Variants in SGPP2 observed in about 807,000 individuals in gnomAD.
SGPP2 encodes the protein sphingosine 1-phosphate phosphohydrolase 2.
A neutral mutation model predicts 33.9 loss-of-function variants in SGPP2; 30 were observed. That is an observed-to-expected ratio of 0.89 (90% CI 0.66 to 1.20). SGPP2 has a LOEUF of 1.20. Ranked by LOEUF, SGPP2 falls within the 50% of genes most tolerant of loss-of-function variation. SGPP2 has a pLI of 0.00. For missense variants in SGPP2, 458 were observed against 532.1 expected, an observed-to-expected ratio of 0.86 and a Z score of 1.37; for synonymous variants, 233 against 225.0, an observed-to-expected ratio of 1.04 and a Z score of -0.32.
At chr2:222,443,349 A>G (rs1697354300) in intron 1 of SGPP2, among the ~76,000 whole-genome samples, 1 of 152,102 alleles carries the variant, frequency 6.6e-6, no homozygotes. Context: ...GTACCTGATG[A>G]GTCATTTTTC....
rs754730715 is a variant in SGPP2 at position 222,465,295 on chromosome 2, AAAG to A, written c.220-9266_220-9264del. Among the ~76,000 whole-genome samples, 1 of 152,232 alleles carries A rather than the reference AAAG, an allele frequency of 6.6e-6. No individual in the cohort carries two copies. The highest frequency in any genetic ancestry group is 2.4e-5 in the African/African-American group (1 of 41,462). On this transcript the variant is annotated intron_variant, in intron 1 of 4. Transcript: ENST00000321276. The surrounding 1 kb of genome is among the most constrained non-coding windows in gnomAD (Gnocchi z 4.1). ...GTAATTCTATCTGGACTTGAAGATG[AAAG>A]AAGAAGCCCTCGTGCATTTTTGTTC...
chr2:222,518,307 A>G (rs1167526002), intron 2 of SGPP2, among the ~76,000 whole-genome samples: 1 of 152,250 alleles, frequency 6.6e-6, no homozygotes, highest in African/African-American at 2.4e-5. Flanking sequence ...AAATGAAGAC[A>G]AAGGAACTCA....
chr2:222,538,866 C>T (rs530468912), intron 4 of SGPP2, among the ~76,000 whole-genome samples: 11 of 152,206 alleles, frequency 7.2e-5, no homozygotes, highest in South Asian at 2.1e-4. Flanking sequence ...ATGAAGGATC[C>T]GCCCCCATGA....
chr2:222,476,082 T>G lies in SGPP2; in HGVS notation c.378+1356T>G, dbSNP rs1697928901. On this transcript the variant is annotated intron_variant, in intron 2 of 4. Coordinates refer to ENST00000321276, the MANE Select transcript of SGPP2 (RefSeq NM_152386.4). This position sits in a 1 kb window ranked among gnomAD's most constrained non-coding sequence, Gnocchi z 4.3. The stretch of plus-strand genomic sequence containing the variant: ...AGGTTATTTAGCTGGTGGAGGGAAC[T>G]TCCAGACAAGACTGTTGCCCTGACT... Among the ~76,000 whole-genome samples, 1 of 152,214 alleles carries G rather than the reference T, an allele frequency of 6.6e-6. No individual in the cohort carries two copies. The highest frequency in any genetic ancestry group is 2.4e-5 in the African/African-American group (1 of 41,456).
At position 222,521,876 on chromosome 2, in the gene SGPP2, C is replaced by T; in HGVS notation, c.488C>T (p.Pro163Leu). Residue 163 changes from proline to leucine, a missense_variant, in exon 3 of 5, where the codon CCA (proline) becomes CTA (leucine). Transcript: ENST00000321276. ...AGACTGATCGCTGAATATGGAATGC[C>T]ATCCACCCACGCCATGGCGGCCACT... ...EKRLIAEYGM[P>L]STHAMAATAI... is the part of the protein sequence containing the mutation. 6.2e-7 allele frequency: 1 copy of T among 1,610,500 alleles called. No individual in the cohort carries two copies.
At chr2:222,461,168 C>T (rs1697653488) in intron 1 of SGPP2, among the ~76,000 whole-genome samples, 1 of 152,156 alleles carries the variant, frequency 6.6e-6, no homozygotes, top group Non-Finnish European at 1.5e-5. Context: ...ATACAATGAC[C>T]ATTTATTGAA....
At position 222,547,646 on chromosome 2, in the gene SGPP2, CATA is replaced by C. The variant is rs145533188; in HGVS notation, c.649-10697_649-10695del. On this transcript the variant is annotated intron_variant, in intron 4 of 4. Transcript: ENST00000321276. Reference sequence around the variant, plus strand: ...ACTATTATATTATCACATCGAGAAACATAATACCTGCCTTACTTACCTTTTAGC... The same window carrying C: ...ACTATTATATTATCACATCGAGAAACATACCTGCCTTACTTACCTTTTAGC... Among the ~76,000 whole-genome samples the C allele has an allele frequency of 6.8e-3, 1,032 of 152,120 alleles. 12 individuals carry two copies. The highest frequency in any genetic ancestry group is 0.024 in the African/African-American group (997 of 41,492).
chr2:222,500,822 G>A (rs1312893789), intron 2 of SGPP2, among the ~76,000 whole-genome samples: 1 of 152,124 alleles, frequency 6.6e-6, no homozygotes, highest in Non-Finnish European at 1.5e-5. Context: ...CATCTTAACT[G>A]GTAATTCAGT....
At position 222,477,201 on chromosome 2, in the gene SGPP2, G is replaced by A. The variant is rs2106098784; in HGVS notation, c.378+2475G>A. Among the ~76,000 whole-genome samples, 1 of 151,692 alleles carries A rather than the reference G, an allele frequency of 6.6e-6. No individual in the cohort carries two copies. Among genetic ancestry groups the A allele is most frequent in the East Asian group, 1.9e-4 (1 of 5,176 alleles). On this transcript the variant is annotated intron_variant, in intron 2 of 4. Coordinates refer to ENST00000321276, the MANE Select transcript of SGPP2 (RefSeq NM_152386.4). This position sits in a 1 kb window ranked among gnomAD's most constrained non-coding sequence, Gnocchi z 6.0. Reference sequence around the variant, plus strand: ...TATGTGTATGTGTGTATATATGTGTGTGCATAGGTGCATATATATGTTTAT... The same window carrying A: ...TATGTGTATGTGTGTATATATGTGTATGCATAGGTGCATATATATGTTTAT...
intron 1 of SGPP2, among the ~76,000 whole-genome samples, chr2:222,448,685 C>T (rs781338995): frequency 3.3e-5 from 5 of 152,164 alleles, no homozygotes; most frequent in Non-Finnish European, 7.3e-5. Flanking sequence ...CATGCTTTTC[C>T]ATGCAGAAGT....
rs73067712 is a variant in SGPP2 at position 222,480,812 on chromosome 2, C to G, written c.378+6086C>G. 7.0e-3 allele frequency among the ~76,000 whole-genome samples: 1,060 copies of G among 152,164 alleles called. 11 individuals are homozygous for G. Among genetic ancestry groups the G allele is most frequent in the African/African-American group, 0.024 (1,017 of 41,522 alleles). The stretch of plus-strand genomic sequence containing the variant: ...ACCAAAGAAAAATGGTATTTCCATG[C>G]GTATATTCATTGCAGCACTATTCAC... On this transcript the variant is annotated intron_variant, in intron 2 of 4. Coordinates refer to ENST00000321276, the MANE Select transcript of SGPP2 (RefSeq NM_152386.4).
At chr2:222,517,390 G>A (rs10168976) in intron 2 of SGPP2, among the ~76,000 whole-genome samples, 119,584 of 152,144 alleles carry the variant, frequency 0.79, 50,235 homozygotes, top group East Asian at 0.98. Flanking sequence ...GAGGAGTTCC[G>A]CTGGGGACAG....
intron 1 of SGPP2, among the ~76,000 whole-genome samples, chr2:222,449,490 GAC>G (rs1282894612): frequency 7.6e-6 from 1 of 130,870 alleles, no homozygotes; most frequent in Non-Finnish European, 1.6e-5. Flanking sequence ...TTTTTTTTGA[GAC>G]GGAGTCTCGC....
chr2:222,504,648 A>G (rs1428426141), intron 2 of SGPP2: 4 of 152,228 alleles, frequency 2.6e-5, no homozygotes, highest in East Asian at 1.9e-4. Flanking sequence ...TAGGATTTCA[A>G]TTGACTGCAC....
chr2:222,556,940 C>G (rs1366064834), intron 4 of SGPP2, among the ~76,000 whole-genome samples: 1 of 151,226 alleles, frequency 6.6e-6, no homozygotes, highest in African/African-American at 2.4e-5. Flanking sequence ...CTTAGTCCTC[C>G]CCCATCCACC....
At chr2:222,549,982 T>C (rs1689264398) in intron 4 of SGPP2, among the ~76,000 whole-genome samples, 1 of 151,790 alleles carries the variant, frequency 6.6e-6, no homozygotes, top group African/African-American at 2.4e-5. Context: ...GTTCAAGCAA[T>C]TCCCCTGCCT....
intron 1 of SGPP2, among the ~76,000 whole-genome samples, chr2:222,461,600 A>G (rs1156399999): frequency 1.3e-5 from 2 of 152,076 alleles, no homozygotes; most frequent in Non-Finnish European, 2.9e-5. Flanking sequence ...CTGCAACTAG[A>G]TGGTCCCATC....
At chr2:222,455,467 G>T (rs1697558997) in intron 1 of SGPP2, among the ~76,000 whole-genome samples, 1 of 152,168 alleles carries the variant, frequency 6.6e-6, no homozygotes, top group South Asian at 2.1e-4. Context: ...GGCCAGAGTG[G>T]CTGGAACATA....
intron 2 of SGPP2, among the ~76,000 whole-genome samples, chr2:222,502,679 T>C (rs1471103700): frequency 6.6e-6 from 1 of 152,246 alleles, no homozygotes; most frequent in African/African-American, 2.4e-5. Context: ...AAATGGCTCC[T>C]GTGCAGGTAC....
Sources: gnomAD v4.1 joint callset for allele counts (sites outside exome capture counted in the v4.1 genomes callset) on GRCh38, gnomAD v4.1.1 for gene constraint, Gnocchi (gnomAD v3.1) non-coding constraint, MANE v1.5 for transcripts, NCBI Gene and HGNC (gene_info 2026-07-23, HGNC 2026-07-21) for gene names.